FAM81A: variants seen among roughly 807,000 people sequenced by gnomAD.
FAM81A encodes family with sequence similarity 81 member A, also known as protein FAM81A.
Under a neutral mutation model 46.7 loss-of-function variants are expected in FAM81A, and 19 were observed. The ratio of observed to expected loss-of-function variants is 0.41; its 90% CI spans 0.28 to 0.60. FAM81A has a LOEUF of 0.60. FAM81A is among the 20% of genes least tolerant of loss of function. The probability of loss-of-function intolerance (pLI) is 0.34; values close to 1 mark genes in which losing one functional copy is unlikely to be tolerated. For missense variants in FAM81A, 377 were observed against 453.5 expected (o/e 0.83, Z 1.53); for synonymous variants, 183 against 152.9 (o/e 1.20, Z -1.45).
intron 1 of FAM81A, among the ~76,000 whole-genome samples, chr15:59,447,178 C>T (rs59953860): frequency 0.018 from 2,808 of 152,276 alleles, 88 homozygotes; most frequent in African/African-American, 0.065. Flanking sequence ...AGAATCCTTG[C>T]CTCACCCTCT....
chr15:59,519,082 T>C (rs894269555), intron 8 of FAM81A, among the ~76,000 whole-genome samples: 7 of 152,080 alleles, frequency 4.6e-5, no homozygotes, highest in African/African-American at 1.7e-4. Flanking sequence ...GTCTTGTTCA[T>C]TCTCCATATC....
chr15:59,459,826 T>G, intron 2 of FAM81A, 107 bp from the exon 3 acceptor site: 1 of 1,409,160 alleles, frequency 7.1e-7, no homozygotes, highest in Non-Finnish European at 9.3e-7. Flanking sequence ...CCTATTTAGC[T>G]TGTAGTTATA....
intron 6 of FAM81A, 77 bp from the exon 7 acceptor site, chr15:59,514,212 C>T: frequency 7.2e-7 from 1 of 1,386,176 alleles, no homozygotes; most frequent in Non-Finnish European, 9.6e-7. Flanking sequence ...ATATCCTCAA[C>T]ATGTACCCTG....
intron 3 of FAM81A, among the ~76,000 whole-genome samples, chr15:59,464,992 TG>T (rs2081595195): frequency 6.6e-6 from 1 of 152,194 alleles, no homozygotes; most frequent in Non-Finnish European, 1.5e-5. Flanking sequence ...ATTTTTGTAT[TG>T]GGTGAGAGGT....
chr15:59,493,651 A>G (rs2082004214), intron 4 of FAM81A, among the ~76,000 whole-genome samples: 1 of 152,000 alleles, frequency 6.6e-6, no homozygotes, highest in African/African-American at 2.4e-5. Flanking sequence ...GCGGTGGCAC[A>G]ATCTCGGCTC....
intron 4 of FAM81A, among the ~76,000 whole-genome samples, chr15:59,493,972 C>T (rs1272374673): frequency 6.6e-6 from 1 of 152,202 alleles, no homozygotes. Context: ...GACACCCCCA[C>T]TCCATAGAGC....
chr15:59,403,123 C>T (rs60522758), intron 2 of FAM81A, among the ~76,000 whole-genome samples: 1 of 152,148 alleles, frequency 6.6e-6, no homozygotes, highest in Non-Finnish European at 1.5e-5. Context: ...TCAGAGGTCT[C>T]TGATAGTTTC....
At chr15:59,440,510 G>A (rs1350718803) in intron 1 of FAM81A, among the ~76,000 whole-genome samples, 1 of 152,160 alleles carries the variant, frequency 6.6e-6, no homozygotes, top group Non-Finnish European at 1.5e-5. Context: ...GTGACTTTGG[G>A]TTTTGTGTTG....
At chr15:59,401,965 G>A (rs1170318742) in intron 1 of FAM81A, 5 of 713,864 alleles carry the variant, frequency 7.0e-6, no homozygotes, top group Non-Finnish European at 1.3e-5. Flanking sequence ...CAGTATCCAT[G>A]GTGTTTACAG....
At chr15:59,407,844 G>C (rs575293707) in intron 2 of FAM81A, 1 of 234,162 alleles carries the variant, frequency 4.3e-6, no homozygotes, top group South Asian at 5.8e-5. Flanking sequence ...TCTCTGGTCT[G>C]TACTAGTGGG....
Position 59,460,241 on chromosome 15 carries a change from T to C in FAM81A, c.294+35T>C, listed in dbSNP as rs1190194684. On this transcript the variant is annotated intron_variant, in intron 3 of 8. Transcript: ENST00000288228. This position sits in a 1 kb window ranked among gnomAD's most constrained non-coding sequence, Gnocchi z 4.4. ...GTGAAAGTCAGGTGGCCTATGTCCC[T>C]TTCCACAGAATTGCTCCATGTCAGG... The C allele has an allele frequency of 1.2e-6, 2 of 1,613,838 alleles. No homozygotes were observed. The highest frequency in any genetic ancestry group is 1.7e-6 in the Non-Finnish European group (2 of 1,179,878).
At chr15:59,478,060 A>C (rs976153024) in intron 3 of FAM81A, among the ~76,000 whole-genome samples, 1 of 152,182 alleles carries the variant, frequency 6.6e-6, no homozygotes, top group African/African-American at 2.4e-5. Flanking sequence ...AGCCCTGGTG[A>C]GCAGTCCGTG....
intron 3 of FAM81A, among the ~76,000 whole-genome samples, chr15:59,461,289 T>C (rs2081548053): frequency 6.6e-6 from 1 of 152,118 alleles, no homozygotes; most frequent in Non-Finnish European, 1.5e-5. Flanking sequence ...CTGGCTTCTT[T>C]CTTTCCTTTT....
intron 8 of FAM81A, 121 bp from the exon 9 acceptor site, chr15:59,521,133 C>T: frequency 9.1e-7 from 1 of 1,103,268 alleles, no homozygotes; most frequent in Non-Finnish European, 1.2e-6. Context: ...TACTTTCATC[C>T]CAGAGGTTTT....
chr15:59,452,254 C>T (rs1167368844), intron 1 of FAM81A, among the ~76,000 whole-genome samples: 1 of 152,170 alleles, frequency 6.6e-6, no homozygotes, highest in Non-Finnish European at 1.5e-5. Context: ...TGAACTGATC[C>T]ATGATTATAA....
At chr15:59,456,906 G>A (rs968831818) in intron 1 of FAM81A, among the ~76,000 whole-genome samples, 1 of 152,106 alleles carries the variant, frequency 6.6e-6, no homozygotes, top group Non-Finnish European at 1.5e-5. Flanking sequence ...TGGTTTAGAT[G>A]ACTTCTGCTG....
At chr15:59,485,014 G>T (rs577126701) in intron 3 of FAM81A, among the ~76,000 whole-genome samples, 7 of 152,306 alleles carry the variant, frequency 4.6e-5, no homozygotes, top group African/African-American at 1.7e-4. Flanking sequence ...TGTGGTAGAC[G>T]TAGGGAGACT....
intron 5 of FAM81A, 91 bp from the exon 6 acceptor site, chr15:59,508,772 C>A: frequency 1.3e-6 from 1 of 784,596 alleles, no homozygotes; most frequent in Non-Finnish European, 2.1e-6. Flanking sequence ...AATCTTAATG[C>A]CATTGACTAC....
chr15:59,433,106 C>G (rs1428156459), intron 2 of FAM81A, among the ~76,000 whole-genome samples: 1 of 132,890 alleles, frequency 7.5e-6, no homozygotes. Flanking sequence ...CGCGCCACTG[C>G]GCTCCAGCCT....
Sources: allele counts gnomAD v4.1 joint callset (sites outside exome capture counted in the v4.1 genomes callset), GRCh38; gene constraint gnomAD v4.1.1; non-coding constraint Gnocchi (gnomAD v3.1); transcripts MANE v1.5; gene names NCBI Gene and HGNC (gene_info 2026-07-23, HGNC 2026-07-21).